The following STX3 variants were observed in gnomAD, a reference collection of about 807,000 sequenced individuals.
The protein encoded by STX3 is syntaxin 3.
In STX3, 19 loss-of-function variants were observed where a neutral mutation model predicts 40.2. That is an observed-to-expected ratio of 0.47 (90% CI 0.33 to 0.69). The LOEUF is 0.69. STX3 is among the 30% of genes least tolerant of loss of function. STX3 has a pLI of 0.02. For synonymous variants in STX3, 122 were observed against 132.2 expected (o/e 0.92, Z 0.53); for missense variants, 364 against 366.7 (o/e 0.99, Z 0.06).
At position 59,788,855 on chromosome 11, in the gene STX3, C is replaced by T. The variant is rs550766628; in HGVS notation, c.215-18C>T. On this transcript the variant is annotated intron_variant, in intron 3 of 10. Transcript: ENST00000337979. ...TCCTCTCCTTTCTAACGGATTCTGC[C>T]TGCCTTTATTTACCCAGAAACCAAG... The T allele has an allele frequency of 1.4e-5, 23 of 1,608,778 alleles. No homozygotes were observed. The South Asian group carries it at 2.1e-4, about 15-fold the overall frequency.
At position 59,801,033 on chromosome 11, in the gene STX3, G is replaced by A. The variant is rs1865864808; in HGVS notation, c.*209G>A. 1 of 1,492,014 alleles carries A rather than the reference G, an allele frequency of 6.7e-7. No homozygotes were observed. Among genetic ancestry groups the A allele is most frequent in the Non-Finnish European group, 8.9e-7 (1 of 1,123,310 alleles). 92.4% of individuals were successfully genotyped at this position (1,492,014 alleles called of 1,614,324 possible). A position where few individuals can be genotyped will look rare whatever the true frequency, so the allele number is the denominator to read the frequency against. ...TGTGATCTACCTGATGCGACCCTGAGTTCTCCCCAGAGCCTCCTCCTGCCC... is the reference window on the plus strand; with the variant it reads ...TGTGATCTACCTGATGCGACCCTGAATTCTCCCCAGAGCCTCCTCCTGCCC... On this transcript the variant is annotated 3_prime_UTR_variant, in exon 11 of 11. Transcript: ENST00000337979.
chr11:59,795,886 G>T (rs1865492294), intron 9 of STX3, among the ~76,000 whole-genome samples: 1 of 152,078 alleles, frequency 6.6e-6, no homozygotes, highest in South Asian at 2.1e-4. Context: ...TCCCAGGTGT[G>T]CCTTGCATGG....
chr11:59,789,442 CTT>C (rs113424563), intron 4 of STX3, among the ~76,000 whole-genome samples: 22 of 141,184 alleles, frequency 1.6e-4, no homozygotes, highest in Non-Finnish European at 1.9e-4. Context: ...CAACTACATA[CTT>C]TTTTTTTTTT....
chr11:59,800,599 C>T, intron 10 of STX3: 2 of 985,442 alleles, frequency 2.0e-6, no homozygotes, highest in Non-Finnish European at 2.4e-6. Flanking sequence ...CCACCACGTC[C>T]TTCCATGGGT....
At position 59,804,471 on chromosome 11, in the gene STX3, T is replaced by G. The variant is rs909288461; in HGVS notation, c.*3647T>G. The G allele has an allele frequency of 6.6e-6, 1 of 152,242 alleles. No individual in the cohort carries two copies. Among genetic ancestry groups the G allele is most frequent in the African/African-American group, 2.4e-5 (1 of 41,464 alleles). 9.4% of individuals were successfully genotyped at this position (152,242 alleles called of 1,614,324 possible). A position where few individuals can be genotyped will look rare whatever the true frequency, so the allele number is the denominator to read the frequency against. On this transcript the variant is annotated 3_prime_UTR_variant, in exon 11 of 11. Transcript: ENST00000337979. ...TTCAGTCATGGACAAATCCTTGGGTTTGACTCCTAAACTCTTTAAGGTACC... is the reference window on the plus strand; with the variant it reads ...TTCAGTCATGGACAAATCCTTGGGTGTGACTCCTAAACTCTTTAAGGTACC...
At chr11:59,779,027 G>A (rs1218879670) in intron 2 of STX3, among the ~76,000 whole-genome samples, 5 of 151,840 alleles carry the variant, frequency 3.3e-5, no homozygotes, top group African/African-American at 4.8e-5. Context: ...TAGTAGAGAC[G>A]GGGTTTCACC....
intron 2 of STX3, chr11:59,781,638 A>G: frequency 1.2e-6 from 2 of 1,612,884 alleles, no homozygotes; most frequent in African/African-American, 1.3e-5. Flanking sequence ...AGCTATTCCC[A>G]CTCCTAGCTC....
intron 9 of STX3, among the ~76,000 whole-genome samples, chr11:59,796,697 C>T (rs943957004): frequency 6.6e-6 from 1 of 152,220 alleles, no homozygotes; most frequent in Non-Finnish European, 1.5e-5. Flanking sequence ...AGAGACCCCA[C>T]GATAGTGGCT....
intron 2 of STX3, among the ~76,000 whole-genome samples, chr11:59,776,778 C>T (rs1264352907): frequency 6.6e-6 from 1 of 152,136 alleles, no homozygotes; most frequent in Non-Finnish European, 1.5e-5. Flanking sequence ...GCTTCTTGAT[C>T]GTTGGAAAAA....
At chr11:59,799,616 T>C in intron 10 of STX3, 3 of 979,362 alleles carry the variant, frequency 3.1e-6, no homozygotes, top group Non-Finnish European at 3.6e-6. Flanking sequence ...TTTTTAAGAC[T>C]TGGCACATAA....
Position 59,801,733 on chromosome 11 carries a change from G to C in STX3, c.*909G>C. The C allele has an allele frequency of 2.0e-6, 2 of 985,668 alleles. No homozygotes were observed. The highest frequency in any genetic ancestry group is 2.4e-6 in the Non-Finnish European group (2 of 829,924). 61.1% of individuals were successfully genotyped at this position (985,668 alleles called of 1,614,324 possible). On this transcript the variant is annotated 3_prime_UTR_variant, in exon 11 of 11. Transcript: ENST00000337979. Reference sequence around the variant, plus strand: ...CTGGTGTATTCACTCATGTGTTCCAGATGTATTCTAATTGTGTATGAAATG... The same window carrying C: ...CTGGTGTATTCACTCATGTGTTCCACATGTATTCTAATTGTGTATGAAATG...
chr11:59,793,220 A>G lies in STX3; in HGVS notation c.540+48A>G, dbSNP rs764594480. ...TAGCACATCCCTCTCGTGAGCAGGG[A>G]GGCCACTGCGGAGCTCATGCAGTCC... On this transcript the variant is annotated intron_variant, in intron 7 of 10. Coordinates refer to ENST00000337979, the MANE Select transcript of STX3 (RefSeq NM_004177.5). 4 of 1,609,836 alleles carry G rather than the reference A, an allele frequency of 2.5e-6. No individual in the cohort carries two copies. The South Asian group carries it at 4.4e-5, about 18-fold the overall frequency.
intron 9 of STX3, among the ~76,000 whole-genome samples, chr11:59,796,754 G>A (rs1815557425): frequency 6.6e-6 from 1 of 152,208 alleles, no homozygotes; most frequent in Admixed American, 6.5e-5. Context: ...TGAGCTGAGA[G>A]CTGAGAGAGG....
chr11:59,802,717 T>C lies in STX3; in HGVS notation c.*1893T>C, dbSNP rs1865937809. On this transcript the variant is annotated 3_prime_UTR_variant, in exon 11 of 11. Transcript: ENST00000337979. ...GTATTGATTGTGAAACGGTTCTGGC[T>C]CTGTCTCGATGCAGAAACACAATGA... 6 of 985,956 alleles carry C rather than the reference T, an allele frequency of 6.1e-6. No homozygotes were observed. Among genetic ancestry groups the C allele is most frequent in the Non-Finnish European group, 7.2e-6 (6 of 830,028 alleles). 61.1% of individuals were successfully genotyped at this position (985,956 alleles called of 1,614,324 possible). A position where few individuals can be genotyped will look rare whatever the true frequency, so the allele number is the denominator to read the frequency against.
intron 7 of STX3, 78 bp downstream of exon 7, chr11:59,793,250 G>C (rs1477084307): frequency 6.2e-7 from 1 of 1,607,200 alleles, no homozygotes; most frequent in Non-Finnish European, 8.5e-7. Flanking sequence ...CAGTCCAGCA[G>C]GTGGAGGGGG....
chr11:59,795,519 A>G (rs1326059648), intron 9 of STX3, 37 bp downstream of exon 9: 7 of 1,585,998 alleles, frequency 4.4e-6, no homozygotes, highest in Non-Finnish European at 6.0e-6. Flanking sequence ...AAGAGAGTCC[A>G]TTTTGTTTGC....
intron 1 of STX3, among the ~76,000 whole-genome samples, chr11:59,761,373 T>A (rs900944736): frequency 6.6e-6 from 1 of 152,216 alleles, no homozygotes; most frequent in African/African-American, 2.4e-5. Flanking sequence ...ACTTTACTTT[T>A]GGTGGTGTAT....
chr11:59,779,103 G>T (rs1281220837), intron 2 of STX3, among the ~76,000 whole-genome samples: 3 of 152,144 alleles, frequency 2.0e-5, no homozygotes, highest in African/African-American at 7.2e-5. Flanking sequence ...CTCCCAAAGT[G>T]TTGGGATTAT....
At chr11:59,778,479 A>G (rs1048898132) in intron 2 of STX3, among the ~76,000 whole-genome samples, 9 of 152,134 alleles carry the variant, frequency 5.9e-5, no homozygotes, top group African/African-American at 2.2e-4. Context: ...CAAACACATC[A>G]TGATTCATCC....
Sources: gnomAD v4.1 joint callset for allele counts (sites outside exome capture counted in the v4.1 genomes callset) on GRCh38, gnomAD v4.1.1 for gene constraint, MANE v1.5 for transcripts, NCBI Gene and HGNC (gene_info 2026-07-23, HGNC 2026-07-21) for gene names.